Variants in PSMC2 observed in about 807,000 individuals in gnomAD.
The protein encoded by PSMC2 is proteasome 26S subunit, ATPase 2, also known as 26S proteasome regulatory subunit 7.
A neutral mutation model predicts 53.3 loss-of-function variants in PSMC2; 7 were observed. The observed-to-expected ratio is 0.13, with a 90% CI of 0.07 to 0.25. The LOEUF is 0.25. PSMC2 is among the 10% of genes least tolerant of loss of function. The pLI, the probability that PSMC2 is intolerant of heterozygous loss-of-function variation, is 1.00. For missense variants in PSMC2, 241 were observed against 544.0 expected, an observed-to-expected ratio of 0.44 and a Z score of 5.54; for synonymous variants, 169 against 183.9, an observed-to-expected ratio of 0.92 and a Z score of 0.66.
At chr7:103,349,742 G>A (rs1297133272) in intron 1 of PSMC2, among the ~76,000 whole-genome samples, 3 of 152,112 alleles carry the variant, frequency 2.0e-5, no homozygotes, top group African/African-American at 7.2e-5. Context: ...GAGCCACCGC[G>A]TCTAGCCTGA....
At chr7:103,366,332 C>T (rs1820717869) in intron 9 of PSMC2, among the ~76,000 whole-genome samples, 169 bp downstream of exon 9, 1 of 152,204 alleles carries the variant, frequency 6.6e-6, no homozygotes, top group Non-Finnish European at 1.5e-5. Context: ...ACTATAAAGG[C>T]AAGAAGACAC....
chr7:103,359,080 C>T lies in PSMC2; in HGVS notation c.291-2877C>T, dbSNP rs1002037646. 3.4e-5 allele frequency among the ~76,000 whole-genome samples: 5 copies of T among 148,444 alleles called. No individual in the cohort carries two copies. The East Asian group carries it at 9.9e-4, about 29-fold the overall frequency. ...CTCGCTGCAGCCTCTGCTTCCTGGG[C>T]TCCCACCTCAGCCTCCCAAGTGGCT... is the stretch of plus-strand genomic sequence containing the variant. On this transcript the variant is annotated intron_variant, in intron 4 of 11. Coordinates refer to ENST00000292644, the MANE Select transcript of PSMC2 (RefSeq NM_002803.4).
At position 103,349,738 on chromosome 7, in the gene PSMC2, CCGCGT is replaced by C. The variant is rs1282538853; in HGVS notation, c.70+1959_70+1963del. 1.2e-4 allele frequency among the ~76,000 whole-genome samples: 19 copies of C among 152,350 alleles called. 1 individual carries two copies. The South Asian group carries it at 3.3e-3, about 27-fold the overall frequency. On this transcript the variant is annotated intron_variant, in intron 1 of 11. Transcript: ENST00000292644. ...ATGCTGGGATTACAGGCGTGAGCCA[CCGCGT>C]CTAGCCTGATTAAGTTACTTTCAAT...
chr7:103,364,249 C>A lies in PSMC2; in HGVS notation c.698C>A (p.Thr233Asn). 1 of 1,614,182 alleles carries A rather than the reference C, an allele frequency of 6.2e-7. No individual in the cohort carries two copies. ...TGTGCGCGGGCAGTTGCTAATCGGA[C>A]TGATGCGTGCTTCATTCGAGTTATT... is the stretch of plus-strand genomic sequence containing the variant. ...TLCARAVANR[T>N]DACFIRVIGS... Residue 233 changes from threonine to asparagine, a missense_variant, in exon 8 of 12, where the codon ACT (threonine) becomes AAT (asparagine). Thr to Asn is a moderately conservative substitution (Grantham distance 65, BLOSUM62 0). Transcript: ENST00000292644.
At chr7:103,348,916 A>T (rs1402376407) in intron 1 of PSMC2, 1 of 461,076 alleles carries the variant, frequency 2.2e-6, no homozygotes. Context: ...TTGTAGGATA[A>T]ATTCTAGAAG....
chr7:103,355,878 T>C, intron 4 of PSMC2, 85 bp downstream of exon 4: 1 of 896,590 alleles, frequency 1.1e-6, no homozygotes, highest in Non-Finnish European at 1.6e-6. Flanking sequence ...ATGCAATAGT[T>C]CATAAATAAT....
At chr7:103,363,310 G>C in intron 6 of PSMC2, 34 bp from the exon 7 acceptor site, 1 of 1,531,282 alleles carries the variant, frequency 6.5e-7, no homozygotes, top group Non-Finnish European at 9.0e-7. Flanking sequence ...AAAAGCCTGT[G>C]ACTGTATGTT....
intron 1 of PSMC2, among the ~76,000 whole-genome samples, chr7:103,349,741 C>T (rs532681334): frequency 1.4e-4 from 22 of 152,272 alleles, no homozygotes; most frequent in Non-Finnish European, 2.5e-4. Context: ...TGAGCCACCG[C>T]GTCTAGCCTG....
chr7:103,364,958 C>CATACATATATATATATATATATAT lies in PSMC2; in HGVS notation c.756+654_756+655insCATATATATATATATATATATATA, dbSNP rs374432802. On this transcript the variant is annotated intron_variant, in intron 8 of 11. Transcript: ENST00000292644. ...GGTTGTTTTTATGTTTGTAGACATACATATATATATATATATATATATATA... is the reference window on the plus strand; with the variant it reads ...GGTTGTTTTTATGTTTGTAGACATACATACATATATATATATATATATATATATATATATATATATATATATATA... Among the ~76,000 whole-genome samples the CATACATATATATATATATATATAT allele has an allele frequency of 1.1e-3, 135 of 125,438 alleles. 1 individual carries two copies. Among genetic ancestry groups the CATACATATATATATATATATATAT allele is most frequent in the African/African-American group, 3.9e-3 (133 of 34,134 alleles). 82.3% of individuals were successfully genotyped at this position (125,438 alleles called of 152,430 possible). A position where few individuals can be genotyped will look rare whatever the true frequency, so the allele number is the denominator to read the frequency against.
intron 1 of PSMC2, chr7:103,352,886 T>A (rs775221111): frequency 1.3e-6 from 1 of 780,944 alleles, no homozygotes; most frequent in South Asian, 1.3e-5. Flanking sequence ...ACACGGCATT[T>A]CCCCTACGGT....
Position 103,368,165 on chromosome 7 carries a change from C to T in PSMC2, c.*111C>T. The T allele has an allele frequency of 1.1e-6, 1 of 917,938 alleles. No individual in the cohort carries two copies. Among genetic ancestry groups the T allele is most frequent in the Non-Finnish European group, 1.6e-6 (1 of 632,480 alleles). 56.9% of individuals were successfully genotyped at this position (917,938 alleles called of 1,614,324 possible). The stretch of plus-strand genomic sequence containing the variant: ...TGGCTTCAAAATTGTATGCTTTTTT[C>T]CATATCTCTTCTTGTAATATAATAA... On this transcript the variant is annotated 3_prime_UTR_variant, in exon 12 of 12. Transcript: ENST00000292644.
chr7:103,350,959 T>C (rs1367931181), intron 1 of PSMC2, among the ~76,000 whole-genome samples: 1 of 152,230 alleles, frequency 6.6e-6, no homozygotes, highest in Non-Finnish European at 1.5e-5. Flanking sequence ...TTTCTCTTGC[T>C]GAACCTTCCC....
At chr7:103,349,454 CTT>C (rs113600623) in intron 1 of PSMC2, among the ~76,000 whole-genome samples, 2 of 146,472 alleles carry the variant, frequency 1.4e-5, no homozygotes, top group Admixed American at 6.8e-5. Context: ...CATACATACC[CTT>C]TTTTTTTTTG....
intron 1 of PSMC2, among the ~76,000 whole-genome samples, chr7:103,353,712 CT>C (rs1486654534): frequency 6.6e-6 from 1 of 152,188 alleles, no homozygotes; most frequent in African/African-American, 2.4e-5. Flanking sequence ...ATATTATGTA[CT>C]TTTAAAAACC....
intron 4 of PSMC2, among the ~76,000 whole-genome samples, chr7:103,360,877 C>G (rs989668344): frequency 6.9e-6 from 1 of 143,966 alleles, no homozygotes; most frequent in African/African-American, 2.6e-5. Context: ...TTTGGGAGGC[C>G]GAAGCAGGTG....
At chr7:103,364,974 TA>T in intron 8 of PSMC2, among the ~76,000 whole-genome samples, 2 of 145,148 alleles carry the variant, frequency 1.4e-5, no homozygotes, top group Non-Finnish European at 1.5e-5. Flanking sequence ...TATATATATA[TA>T]TATATATATT....
At position 103,367,329 on chromosome 7, in the gene PSMC2, C is replaced by G; in HGVS notation, c.845-84C>G. On this transcript the variant is annotated intron_variant, in intron 9 of 11. Transcript: ENST00000292644. This position sits in a 1 kb window ranked among gnomAD's most constrained non-coding sequence, Gnocchi z 6.1. Reference sequence around the variant, plus strand: ...CTTGTGCCTGAGGACATGATTTGAGCTGAGATTTTTGGTACTTTCAGGTCA... The same window carrying G: ...CTTGTGCCTGAGGACATGATTTGAGGTGAGATTTTTGGTACTTTCAGGTCA... The G allele has an allele frequency of 6.1e-6, 8 of 1,315,210 alleles. No individual in the cohort carries two copies. The highest frequency in any genetic ancestry group is 7.6e-6 in the Non-Finnish European group (7 of 921,236). 81.5% of individuals were successfully genotyped at this position (1,315,210 alleles called of 1,614,324 possible).
Position 103,368,109 on chromosome 7 carries a change from C to A in PSMC2, c.*55C>A. 2 of 1,465,060 alleles carry A rather than the reference C, an allele frequency of 1.4e-6. No homozygotes were observed. Among genetic ancestry groups the A allele is most frequent in the East Asian group, 4.6e-5 (2 of 43,428 alleles). 90.8% of individuals were successfully genotyped at this position (1,465,060 alleles called of 1,614,324 possible). ...AATTGGAATCCTAACCTTATATAGACTTGTTAATAACCAATTCATAAACAA... is the reference window on the plus strand; with the variant it reads ...AATTGGAATCCTAACCTTATATAGAATTGTTAATAACCAATTCATAAACAA... On this transcript the variant is annotated 3_prime_UTR_variant, in exon 12 of 12. Coordinates refer to ENST00000292644, the MANE Select transcript of PSMC2 (RefSeq NM_002803.4).
chr7:103,353,799 C>G, intron 1 of PSMC2, 122 bp from the exon 2 acceptor site: 1 of 811,654 alleles, frequency 1.2e-6, no homozygotes, highest in Non-Finnish European at 2.0e-6. Context: ...CATAATCTTG[C>G]TTGATTTTTG....
Sources: gnomAD v4.1 joint callset for allele counts (sites outside exome capture counted in the v4.1 genomes callset) on GRCh38, gnomAD v4.1.1 for gene constraint, Gnocchi (gnomAD v3.1) non-coding constraint, MANE v1.5 for transcripts, NCBI Gene and HGNC (gene_info 2026-07-23, HGNC 2026-07-21) for gene names.